Variants in ARMC2 observed in about 807,000 individuals in gnomAD.
ARMC2 encodes armadillo repeat containing 2.
In ARMC2, 67 loss-of-function variants were observed where a neutral mutation model predicts 90.3. The ratio of observed to expected loss-of-function variants is 0.74; its 90% confidence interval spans 0.61 to 0.91. The LOEUF is 0.91. Among genes scored for constraint, ARMC2 ranks in the 40% least tolerant of loss-of-function variants. The pLI is 0.00. For synonymous variants in ARMC2, 393 were observed against 393.0 expected, an observed-to-expected ratio of 1.00 and a Z score of 0.00; for missense variants, 920 against 1,030.9, an observed-to-expected ratio of 0.89 and a Z score of 1.47.
At chr6:108,930,596 T>A (rs1775456588) in intron 11 of ARMC2, among the ~76,000 whole-genome samples, 1 of 144,558 alleles carries the variant, frequency 6.9e-6, no homozygotes, top group South Asian at 2.3e-4. Flanking sequence ...CTGAATCTTT[T>A]TTTTTTTTTT....
At chr6:108,941,375 T>TGCC (rs906224280) in intron 12 of ARMC2, among the ~76,000 whole-genome samples, 3 of 152,200 alleles carry the variant, frequency 2.0e-5, no homozygotes, top group African/African-American at 7.2e-5. Flanking sequence ...CCAAGCAGTA[T>TGCC]GCCTATGGCC....
chr6:108,973,582 G>A lies in ARMC2; in HGVS notation c.*68G>A, dbSNP rs777595401. 5.7e-6 allele frequency: 8 copies of A among 1,410,092 alleles called. No individual in the cohort carries two copies. The highest frequency in any genetic ancestry group is 4.7e-5 in the Admixed American group (2 of 42,576). The allele number at this position is 1,410,092 out of a possible 1,614,324, so 87.3% of individuals were successfully genotyped here. A position where few individuals can be genotyped will look rare whatever the true frequency, so the allele number is the denominator to read the frequency against. On this transcript the variant is annotated 3_prime_UTR_variant, in exon 18 of 18. Coordinates refer to ENST00000392644, the MANE Select transcript of ARMC2 (RefSeq NM_032131.6). ...TCATTCTTAAGAACTGGTAACAAAC[G>A]TGAACATTTTTTTCAGCATTAACAA... is the stretch of plus-strand genomic sequence containing the variant.
At chr6:108,867,473 TA>T (rs1775931816) in intron 3 of ARMC2, among the ~76,000 whole-genome samples, 1 of 151,806 alleles carries the variant, frequency 6.6e-6, no homozygotes, top group Non-Finnish European at 1.5e-5. Context: ...ATGTAAAAAA[TA>T]AAACATTTTC....
At chr6:108,889,538 T>C (rs1283791293) in intron 5 of ARMC2, among the ~76,000 whole-genome samples, 2 of 151,906 alleles carry the variant, frequency 1.3e-5, no homozygotes, top group Admixed American at 1.3e-4. Context: ...CCTTCTGGGC[T>C]CAAGCGATCC....
intron 12 of ARMC2, among the ~76,000 whole-genome samples, chr6:108,947,051 T>C (rs998647203): frequency 3.9e-5 from 6 of 152,160 alleles, no homozygotes; most frequent in African/African-American, 1.4e-4. Context: ...GGAAGAGCTG[T>C]GCTTTAAGAA....
the ARMC2 span, among the ~76,000 whole-genome samples, chr6:108,984,067 A>G: frequency 6.6e-6 from 1 of 152,162 alleles, no homozygotes; most frequent in South Asian, 2.1e-4. Context: ...TGAACTGTGC[A>G]TGTGAGGGAT....
At chr6:109,014,006 CTT>C in the ARMC2 span, among the ~76,000 whole-genome samples, 1 of 143,502 alleles carries the variant, frequency 7.0e-6, no homozygotes, top group Admixed American at 7.0e-5. Flanking sequence ...TTGCTCTATA[CTT>C]TTTTTTTTTT....
intron 10 of ARMC2, among the ~76,000 whole-genome samples, chr6:108,923,454 C>T (rs1351091339): frequency 1.3e-5 from 2 of 151,516 alleles, no homozygotes; most frequent in African/African-American, 4.8e-5. Flanking sequence ...TGATAATTTT[C>T]ACAGATTTAT....
At chr6:109,031,893 G>A in the ARMC2 span, among the ~76,000 whole-genome samples, 2 of 152,228 alleles carry the variant, frequency 1.3e-5, no homozygotes, top group East Asian at 3.9e-4. Flanking sequence ...TATATATAAT[G>A]AAATATCTTG....
chr6:108,901,324 C>A (rs1490772826), intron 7 of ARMC2, among the ~76,000 whole-genome samples: 2 of 151,654 alleles, frequency 1.3e-5, no homozygotes, highest in Non-Finnish European at 2.9e-5. Flanking sequence ...ACCATATTGG[C>A]CAGGCTGGTC....
chr6:109,009,019 G>T, the ARMC2 span: 1 of 996,460 alleles, frequency 1.0e-6, no homozygotes, highest in Non-Finnish European at 1.2e-6. Flanking sequence ...CTGGATTTCT[G>T]ACTTGTGGAG....
intron 11 of ARMC2, among the ~76,000 whole-genome samples, chr6:108,936,089 T>TTTTG (rs1233946414): frequency 1.3e-5 from 2 of 152,126 alleles, no homozygotes; most frequent in East Asian, 3.8e-4. Flanking sequence ...GCCTTACGGG[T>TTTTG]TTTGTTTGCT....
At chr6:109,051,323 C>T in the ARMC2 span, among the ~76,000 whole-genome samples, 25 of 149,694 alleles carry the variant, frequency 1.7e-4, no homozygotes, top group Admixed American at 3.3e-4. Context: ...AACATTGAAA[C>T]TGAGTCAGAC....
At chr6:109,012,802 C>T in the ARMC2 span, among the ~76,000 whole-genome samples, 1 of 151,872 alleles carries the variant, frequency 6.6e-6, no homozygotes, top group Admixed American at 6.6e-5. Context: ...AGGAGAGTAA[C>T]GGAAGGAGTT....
intron 5 of ARMC2, among the ~76,000 whole-genome samples, chr6:108,879,670 G>C (rs1003056624): frequency 4.6e-5 from 7 of 151,960 alleles, no homozygotes; most frequent in Admixed American, 3.9e-4. Flanking sequence ...TAAAAAATCT[G>C]TTAAGGCTTT....
intron 13 of ARMC2, among the ~76,000 whole-genome samples, chr6:108,961,181 G>A (rs1047855258): frequency 3.3e-5 from 5 of 152,068 alleles, no homozygotes; most frequent in Admixed American, 6.5e-5. Flanking sequence ...TGGGAAGGAG[G>A]GCACAGACTC....
At chr6:108,971,381 G>A (rs1778754640) in intron 17 of ARMC2, among the ~76,000 whole-genome samples, 1 of 152,128 alleles carries the variant, frequency 6.6e-6, no homozygotes, top group Non-Finnish European at 1.5e-5. Context: ...GGTCTCCATG[G>A]AGCTCCTTGC....
intron 10 of ARMC2, among the ~76,000 whole-genome samples, chr6:108,922,101 C>T (rs990146893): frequency 6.6e-6 from 1 of 152,082 alleles, no homozygotes; most frequent in Non-Finnish European, 1.5e-5. Context: ...GGAGGAAGGG[C>T]ACAGAGGGAA....
intron 11 of ARMC2, among the ~76,000 whole-genome samples, 189 bp from the exon 12 acceptor site, chr6:108,936,711 C>T (rs999802220): frequency 3.9e-5 from 6 of 152,160 alleles, no homozygotes; most frequent in African/African-American, 1.4e-4. Flanking sequence ...TTTCCGGATC[C>T]ATCTCACTAG....
Sources: allele counts gnomAD v4.1 joint callset (sites outside exome capture counted in the v4.1 genomes callset), GRCh38; gene constraint gnomAD v4.1.1; transcripts MANE v1.5; gene names NCBI Gene and HGNC (gene_info 2026-07-23, HGNC 2026-07-21).